The following DPP10 variants were observed in gnomAD, a reference collection of about 807,000 sequenced individuals.
DPP10 encodes the protein inactive dipeptidyl peptidase 10.
DPP10 carries 33 observed loss-of-function variants against 120.9 expected under a neutral mutation model. The observed-to-expected ratio is 0.27, with a 90% CI of 0.21 to 0.37. The LOEUF is 0.37. Ranked by LOEUF, DPP10 falls within the 10% of genes least tolerant of loss-of-function variation. The pLI is 1.00. For missense variants in DPP10, 816 were observed against 942.8 expected (o/e 0.87, Z 1.76); for synonymous variants, 337 against 326.1 (o/e 1.03, Z -0.36).
intron 1 of DPP10, among the ~76,000 whole-genome samples, chr2:114,766,473 C>G (rs1162428466): frequency 3.3e-5 from 5 of 152,090 alleles, no homozygotes; most frequent in African/African-American, 1.2e-4. Flanking sequence ...CTTTTATTCA[C>G]ACAAAAACCT....
At chr2:115,201,094 A>C (rs1243406092) in intron 1 of DPP10, among the ~76,000 whole-genome samples, 1 of 152,190 alleles carries the variant, frequency 6.6e-6, no homozygotes, top group Non-Finnish European at 1.5e-5. Flanking sequence ...CAAAATCTGA[A>C]AGGTTTTTAG....
intron 1 of DPP10, among the ~76,000 whole-genome samples, chr2:115,120,582 G>A (rs866360547): frequency 6.6e-6 from 1 of 152,184 alleles, no homozygotes; most frequent in Non-Finnish European, 1.5e-5. Context: ...AGAATTTAAT[G>A]GATTTAAAGC....
At chr2:115,212,643 A>C (rs1404041976) in intron 1 of DPP10, among the ~76,000 whole-genome samples, 14 of 152,190 alleles carry the variant, frequency 9.2e-5, no homozygotes, top group Non-Finnish European at 2.1e-4. Context: ...TATTTAACCT[A>C]CTTGAAACAC....
chr2:114,548,262 G>T (rs1296977188), intron 1 of DPP10, among the ~76,000 whole-genome samples: 1 of 152,200 alleles, frequency 6.6e-6, no homozygotes, highest in African/African-American at 2.4e-5. Context: ...GAAGAGTAAA[G>T]AAAGTTCTGC....
At chr2:114,893,909 T>C (rs1224490845) in intron 1 of DPP10, among the ~76,000 whole-genome samples, 1 of 152,180 alleles carries the variant, frequency 6.6e-6, no homozygotes, top group East Asian at 1.9e-4. Context: ...TGTGGTCCTA[T>C]CTTCTGAGTA....
At chr2:114,743,828 G>T (rs960839084) in intron 1 of DPP10, among the ~76,000 whole-genome samples, 1 of 151,932 alleles carries the variant, frequency 6.6e-6, no homozygotes, top group Admixed American at 6.6e-5. Context: ...ATTGATAGTG[G>T]TATGTCCTAT....
At chr2:115,841,219 A>G (rs1690110810) in intron 25 of DPP10, among the ~76,000 whole-genome samples, 1 of 151,378 alleles carries the variant, frequency 6.6e-6, no homozygotes, top group African/African-American at 2.4e-5. Flanking sequence ...TTATTAATTT[A>G]TTTTTAAATA....
chr2:115,379,444 T>G (rs2066106255), intron 3 of DPP10, among the ~76,000 whole-genome samples: 2 of 152,316 alleles, frequency 1.3e-5, no homozygotes, highest in Non-Finnish European at 1.5e-5. Context: ...CTTCTCTCTT[T>G]TTTTGTTTAT....
chr2:115,666,518 CA>C (rs2089466199), intron 5 of DPP10, among the ~76,000 whole-genome samples: 1 of 152,100 alleles, frequency 6.6e-6, no homozygotes, highest in Non-Finnish European at 1.5e-5. Context: ...AAGTGGGTGG[CA>C]ACACAAAGCC....
intron 3 of DPP10, among the ~76,000 whole-genome samples, chr2:115,379,110 T>G (rs1438757408): frequency 6.6e-6 from 1 of 152,208 alleles, no homozygotes; most frequent in Admixed American, 6.5e-5. Flanking sequence ...TTGATTGGAA[T>G]AGTTTCAGAA....
intron 1 of DPP10, among the ~76,000 whole-genome samples, chr2:115,255,118 C>CCTCT (rs1475050484): frequency 1.3e-5 from 2 of 152,206 alleles, no homozygotes; most frequent in Non-Finnish European, 2.9e-5. Context: ...GTGCAGCATA[C>CCTCT]CTCTGCCTGG....
chr2:115,217,093 A>C (rs531622604), intron 1 of DPP10, among the ~76,000 whole-genome samples: 21 of 152,216 alleles, frequency 1.4e-4, no homozygotes, highest in Non-Finnish European at 1.8e-4. Flanking sequence ...TTAATTTCTC[A>C]TCTTCTCACA....
At chr2:115,241,993 G>T (rs1025114935) in intron 1 of DPP10, among the ~76,000 whole-genome samples, 4 of 152,078 alleles carry the variant, frequency 2.6e-5, no homozygotes, top group Non-Finnish European at 5.9e-5. Flanking sequence ...GTTGTTTGGT[G>T]GTACAGTTTT....
At chr2:115,230,601 TATTA>T (rs1347730340) in intron 1 of DPP10, among the ~76,000 whole-genome samples, 1 of 152,068 alleles carries the variant, frequency 6.6e-6, no homozygotes, top group Non-Finnish European at 1.5e-5. Flanking sequence ...GCTTTTTATT[TATTA>T]AATTATTTGT....
At chr2:115,376,431 T>A (rs1344386421) in intron 3 of DPP10, among the ~76,000 whole-genome samples, 1 of 152,024 alleles carries the variant, frequency 6.6e-6, no homozygotes, top group African/African-American at 2.4e-5. Flanking sequence ...AGTGGAGGGA[T>A]AATCTTTTTT....
At position 114,512,910 on chromosome 2, in the gene DPP10, T is replaced by C. The variant is rs1323880773; in HGVS notation, c.60+70072T>C. 8.5e-5 allele frequency among the ~76,000 whole-genome samples: 13 copies of C among 152,234 alleles called. No individual in the cohort carries two copies. The East Asian group carries it at 2.5e-3, about 29-fold the overall frequency. ...TCAAACACTGCTGTAGAGGAAAGAT[T>C]AGAAATATAAATTATGTAAAATGCA... On this transcript the variant is annotated intron_variant, in intron 1 of 25. Coordinates refer to ENST00000410059, the MANE Select transcript of DPP10 (RefSeq NM_020868.6).
chr2:115,615,957 T>C (rs994384782), intron 5 of DPP10, among the ~76,000 whole-genome samples: 3 of 152,172 alleles, frequency 2.0e-5, no homozygotes, highest in African/African-American at 7.2e-5. Context: ...AAATTAGAAG[T>C]ATTTTATCAC....
At position 115,046,129 on chromosome 2, in the gene DPP10, A is replaced by T. The variant is rs546496113; in HGVS notation, c.61-263110A>T. Among the ~76,000 whole-genome samples, 24 of 152,286 alleles carry T rather than the reference A, an allele frequency of 1.6e-4. No individual in the cohort carries two copies. In the South Asian group the frequency reaches 5.0e-3, roughly 32 times the overall value. On this transcript the variant is annotated intron_variant, in intron 1 of 25. Coordinates refer to ENST00000410059, the MANE Select transcript of DPP10 (RefSeq NM_020868.6). ...CAATGATAATCAACATTTTGGTGAG[A>T]TAGGGAGGTAACTTAAGATTCTAGT... is the stretch of plus-strand genomic sequence containing the variant.
At chr2:114,455,229 G>T (rs937263458) in intron 1 of DPP10, among the ~76,000 whole-genome samples, 1 of 151,288 alleles carries the variant, frequency 6.6e-6, no homozygotes, top group Non-Finnish European at 1.5e-5. Flanking sequence ...TAAGTTAGAA[G>T]AGATAAGAGG....
Sources: gnomAD v4.1 joint callset for allele counts (sites outside exome capture counted in the v4.1 genomes callset) on GRCh38, gnomAD v4.1.1 for gene constraint, MANE v1.5 for transcripts, NCBI Gene and HGNC (gene_info 2026-07-23, HGNC 2026-07-21) for gene names.